Variants in IMPG1 observed in about 807,000 individuals in gnomAD.
IMPG1 encodes interphotoreceptor matrix proteoglycan of 150 kDa.
In IMPG1, 85 loss-of-function variants were observed where a neutral mutation model predicts 92.0. The observed-to-expected ratio is 0.92, with a 90% confidence interval of 0.78 to 1.11. The LOEUF is 1.11. Ranked by LOEUF, IMPG1 falls within the 50% of genes least tolerant of loss-of-function variation. IMPG1 has a pLI of 0.00. For missense variants in IMPG1, 1,022 were observed against 956.0 expected (o/e 1.07, Z -0.91); for synonymous variants, 367 against 334.1 (o/e 1.10, Z -1.08).
intron 12 of IMPG1, among the ~76,000 whole-genome samples, chr6:75,987,058 G>A (rs1782728473): frequency 6.6e-6 from 1 of 152,190 alleles, no homozygotes; most frequent in African/African-American, 2.4e-5. Flanking sequence ...CCAAGCAGCA[G>A]GTTCCATTTT....
chr6:76,066,530 A>G (rs1411466892), intron 1 of IMPG1, among the ~76,000 whole-genome samples: 1 of 152,124 alleles, frequency 6.6e-6, no homozygotes, highest in Non-Finnish European at 1.5e-5. Flanking sequence ...CTAACTACAT[A>G]TGCACTCAAA....
At chr6:75,955,804 C>A (rs1782110034) in intron 12 of IMPG1, among the ~76,000 whole-genome samples, 1 of 152,114 alleles carries the variant, frequency 6.6e-6, no homozygotes, top group Non-Finnish European at 1.5e-5. Context: ...AAGTTTTTAG[C>A]ATGAAGGGCT....
intron 5 of IMPG1, among the ~76,000 whole-genome samples, chr6:76,024,291 T>C (rs1233659541): frequency 2.0e-5 from 3 of 152,172 alleles, no homozygotes; most frequent in Non-Finnish European, 2.9e-5. Context: ...TTTTAAGTCA[T>C]GAAAAATTAA....
chr6:75,940,472 A>C (rs2149453651), intron 14 of IMPG1, among the ~76,000 whole-genome samples: 1 of 152,310 alleles, frequency 6.6e-6, no homozygotes, highest in Non-Finnish European at 1.5e-5. Context: ...ATTTTTCCTA[A>C]GTTTTTCCAA....
At position 76,034,778 on chromosome 6, in the gene IMPG1, T is replaced by G. The variant is rs760116256; in HGVS notation, c.311A>C (p.Glu104Ala). The G allele has an allele frequency of 3.1e-6, 5 of 1,613,994 alleles. No individual in the cohort carries two copies. Among genetic ancestry groups the G allele is most frequent in the East Asian group, 4.5e-5 (2 of 44,854 alleles). ...GATCCGATATGCTTCCCATACTGCT[T>G]CCTGACACACTGTAATACAGAGTCA... Reference protein sequence around the residue: ...QAYYRLRVCQEAVWEAYRIFL... With the variant: ...QAYYRLRVCQAAVWEAYRIFL... The change falls in exon 3 of 17, where the codon GAA becomes GCA. Residue 104 changes from glutamate to alanine, a missense_variant. Transcript: ENST00000369950.
chr6:76,028,547 G>A (rs1783593109), intron 4 of IMPG1, among the ~76,000 whole-genome samples: 1 of 152,166 alleles, frequency 6.6e-6, no homozygotes, highest in Non-Finnish European at 1.5e-5. Flanking sequence ...TAACAAGTAA[G>A]GGCCGGACAC....
chr6:76,069,964 A>T (rs982747120), intron 1 of IMPG1, among the ~76,000 whole-genome samples: 1 of 152,158 alleles, frequency 6.6e-6, no homozygotes, highest in Non-Finnish European at 1.5e-5. Flanking sequence ...GCAACCATAG[A>T]CATTTGGGAC....
chr6:75,969,060 A>G (rs2149464655), intron 12 of IMPG1, among the ~76,000 whole-genome samples: 1 of 152,324 alleles, frequency 6.6e-6, no homozygotes, highest in African/African-American at 2.4e-5. Context: ...GCATAGAAAG[A>G]CAAATACTGC....
chr6:76,059,259 AC>A (rs1206006081), intron 1 of IMPG1, among the ~76,000 whole-genome samples: 1 of 152,024 alleles, frequency 6.6e-6, no homozygotes, highest in Non-Finnish European at 1.5e-5. Flanking sequence ...GTCAAGTTAC[AC>A]CCATTAAGCA....
chr6:75,926,204 G>A (rs1781546776), intron 15 of IMPG1, among the ~76,000 whole-genome samples: 1 of 152,178 alleles, frequency 6.6e-6, no homozygotes, highest in South Asian at 2.1e-4. Context: ...CTCACTGTAT[G>A]TTCCAAGCGA....
At chr6:76,046,988 C>T (rs552466594) in intron 1 of IMPG1, among the ~76,000 whole-genome samples, 13 of 152,258 alleles carry the variant, frequency 8.5e-5, no homozygotes, top group Admixed American at 3.3e-4. Context: ...CATGAAATCA[C>T]ACAGTGTAAA....
At chr6:76,017,550 T>C (rs1783311877) in intron 7 of IMPG1, among the ~76,000 whole-genome samples, 1 of 152,234 alleles carries the variant, frequency 6.6e-6, no homozygotes, top group Admixed American at 6.5e-5. Flanking sequence ...TTTTGTTTTA[T>C]TTAAATCTAC....
rs180990469 is a variant in IMPG1, at chr6:75,943,062, A to G, written c.2044+4252T>C. 7.2e-5 allele frequency among the ~76,000 whole-genome samples: 11 copies of G among 152,252 alleles called. No individual in the cohort carries two copies. In the East Asian group the frequency reaches 1.9e-3, roughly 27 times the overall value. ...GTGGTGAGAATTTTTGGGTTTTAGT[A>G]CTGTCTCCTCCCTGGATTGGAACAA... On this transcript the variant is annotated intron_variant, in intron 14 of 16. Coordinates refer to ENST00000369950, the MANE Select transcript of IMPG1 (RefSeq NM_001563.4).
At chr6:76,056,812 T>G (rs1244538380) in intron 1 of IMPG1, among the ~76,000 whole-genome samples, 1 of 152,174 alleles carries the variant, frequency 6.6e-6, no homozygotes, top group Non-Finnish European at 1.5e-5. Flanking sequence ...CATTTTTATG[T>G]CTTATTTGGA....
rs767981549 is a variant in IMPG1, at chr6:75,930,986, C to A, written c.2210G>T (p.Cys737Phe). Residue 737 changes from cysteine to phenylalanine, a missense_variant, in exon 15 of 17, where the codon TGC (cysteine) becomes TTC (phenylalanine). This residue lies in a region of IMPG1 where 332 missense variants were observed against 346.2 expected (regional missense o/e 0.96). Transcript: ENST00000369950. ...PGLCGPGTKE[C>F]EVLQGKGAPC... ...AGCTCCCTTTCCCTGGAGGACCTCG[C>A]ATTCCTTTGTGCCAGGGCCACAGAG... The A allele has an allele frequency of 1.9e-6, 3 of 1,614,236 alleles. No individual in the cohort carries two copies. Among genetic ancestry groups the A allele is most frequent in the Admixed American group, 1.7e-5 (1 of 60,030 alleles).
At chr6:76,022,675 T>C (rs1783453564) in intron 5 of IMPG1, among the ~76,000 whole-genome samples, 1 of 152,206 alleles carries the variant, frequency 6.6e-6, no homozygotes, top group Non-Finnish European at 1.5e-5. Context: ...TAAGATGCTA[T>C]GAATTTCACT....
chr6:76,045,441 CTTTTTTTTTTTT>C (rs10700038), intron 1 of IMPG1, among the ~76,000 whole-genome samples: 5 of 122,440 alleles, frequency 4.1e-5, no homozygotes, highest in African/African-American at 1.5e-4. Flanking sequence ...CAACCTCCAT[CTTTTTTTTTTTT>C]TTTTTTTGGT....
chr6:76,068,537 CAG>C (rs1156824777), intron 1 of IMPG1, among the ~76,000 whole-genome samples: 1 of 108,278 alleles, frequency 9.2e-6, no homozygotes, highest in East Asian at 2.8e-4. Flanking sequence ...TTTTTGGAGA[CAG>C]AGTCTTTCCC....
At chr6:75,970,977 C>T (rs1782404003) in intron 12 of IMPG1, among the ~76,000 whole-genome samples, 1 of 152,030 alleles carries the variant, frequency 6.6e-6, no homozygotes, top group Non-Finnish European at 1.5e-5. Context: ...GGTACATACC[C>T]AAAGGATTAT....
Sources: allele counts gnomAD v4.1 joint callset (sites outside exome capture counted in the v4.1 genomes callset), GRCh38; gene constraint gnomAD v4.1.1; regional missense constraint gnomAD v4.1.1; transcripts MANE v1.5; gene names NCBI Gene and HGNC (gene_info 2026-07-23, HGNC 2026-07-21).